RNF144A: variants seen among roughly 807,000 people sequenced by gnomAD.
RNF144A encodes E3 ubiquitin-protein ligase RNF144A.
RNF144A carries 11 observed loss-of-function variants against 38.7 expected under a neutral mutation model. The ratio of observed to expected loss-of-function variants is 0.28; its 90% CI spans 0.18 to 0.47. The LOEUF (loss-of-function observed/expected upper bound fraction) is 0.47, where lower values mean the gene tolerates loss of function less well. Ranked by LOEUF, RNF144A falls within the 20% of genes least tolerant of loss-of-function variation. The pLI is 0.99. For synonymous variants in RNF144A, 149 were observed against 143.9 expected (o/e 1.04, Z -0.25); for missense variants, 316 against 377.2 (o/e 0.84, Z 1.34).
intron 1 of RNF144A, among the ~76,000 whole-genome samples, chr2:6,922,671 C>A (rs1300774665): frequency 1.3e-5 from 2 of 149,552 alleles, no homozygotes; most frequent in African/African-American, 4.9e-5. Context: ...GTCGCCCAGG[C>A]TGGAGTGTAG....
At position 7,040,690 on chromosome 2, in the gene RNF144A, TAGAC is replaced by T; in HGVS notation, c.*933_*936del. ...CTGGCCTCTGGCCTCAGTCTTCAGATAGACAGTAAGAAGAAAGCAGCCTCATTGA... is the reference window on the plus strand; with the variant it reads ...CTGGCCTCTGGCCTCAGTCTTCAGATAGTAAGAAGAAAGCAGCCTCATTGA... On this transcript the variant is annotated 3_prime_UTR_variant, in exon 9 of 9. Transcript: ENST00000320892. 2 of 985,486 alleles carry T rather than the reference TAGAC, an allele frequency of 2.0e-6. No individual in the cohort carries two copies. Among genetic ancestry groups the T allele is most frequent in the Non-Finnish European group, 2.4e-6 (2 of 829,942 alleles). The allele number at this position is 985,486 out of a possible 1,614,324, so 61.0% of individuals were successfully genotyped here. A position where few individuals can be genotyped will look rare whatever the true frequency, so the allele number is the denominator to read the frequency against.
intron 6 of RNF144A, among the ~76,000 whole-genome samples, chr2:7,050,985 A>G (rs1673497939): frequency 6.6e-6 from 1 of 152,224 alleles, no homozygotes; most frequent in South Asian, 2.1e-4. Flanking sequence ...TGAAGTTTAG[A>G]TCCTCCCTTT....
In RNF144A at chr2:7,041,141, A is replaced by G. The variant is rs189734067; in HGVS notation, c.*1381A>G. 3.6e-4 allele frequency: 351 copies of G among 980,260 alleles called. 4 individuals carry two copies. The highest frequency in any genetic ancestry group is 2.1e-3 in the Middle Eastern group (4 of 1,902). The allele number at this position is 980,260 out of a possible 1,614,324, so 60.7% of individuals were successfully genotyped here. Reference sequence around the variant, plus strand: ...AAAATAACAGGCAAATATTGTAGCTATATTACAGTGGGATTTTAAAAATCT... The same window carrying G: ...AAAATAACAGGCAAATATTGTAGCTGTATTACAGTGGGATTTTAAAAATCT... On this transcript the variant is annotated 3_prime_UTR_variant, in exon 9 of 9. Transcript: ENST00000320892.
At chr2:7,046,029 T>C (rs1279501176), downstream of RNF144A, among the ~76,000 whole-genome samples, 2 of 152,252 alleles carry the variant, frequency 1.3e-5, no homozygotes, top group Non-Finnish European at 2.9e-5. Context: ...AAGAGTCTTA[T>C]CAACTCTTAG....
chr2:7,040,641 G>T lies in RNF144A; in HGVS notation c.*881G>T. ...CAATCCCACTGCTTTGCTCGGCAAT[G>T]GTTCTCCTCCGAATTGCTGCCGTCT... On this transcript the variant is annotated 3_prime_UTR_variant, in exon 9 of 9. Coordinates refer to ENST00000320892, the MANE Select transcript of RNF144A (RefSeq NM_014746.6). 1 of 985,470 alleles carries T rather than the reference G, an allele frequency of 1.0e-6. No homozygotes were observed. The highest frequency in any genetic ancestry group is 1.2e-6 in the Non-Finnish European group (1 of 829,960). The allele number at this position is 985,470 out of a possible 1,614,324, so 61.0% of individuals were successfully genotyped here.
intron 6 of RNF144A, among the ~76,000 whole-genome samples, chr2:7,061,409 ATTAT>A (rs1180257469): frequency 3.3e-5 from 5 of 152,190 alleles, no homozygotes; most frequent in Non-Finnish European, 1.5e-5. Context: ...GAAGACTTTT[ATTAT>A]TTAGAGAGCA....
intron 2 of RNF144A, among the ~76,000 whole-genome samples, chr2:6,995,648 G>T (rs1468266276): frequency 6.6e-6 from 1 of 152,214 alleles, no homozygotes; most frequent in East Asian, 1.9e-4. Flanking sequence ...GAACGACAGA[G>T]GCCAGAAGAT....
intron 6 of RNF144A, among the ~76,000 whole-genome samples, chr2:7,055,397 T>C (rs181082298): frequency 2.6e-5 from 4 of 152,332 alleles, no homozygotes; most frequent in Admixed American, 2.6e-4. Flanking sequence ...TTGAAACCAT[T>C]ATACCACCTT....
intron 2 of RNF144A, among the ~76,000 whole-genome samples, chr2:6,952,065 T>C (rs1334492520): frequency 6.6e-6 from 1 of 152,204 alleles, no homozygotes; most frequent in Non-Finnish European, 1.5e-5. Flanking sequence ...TTAAGGAAAT[T>C]ACCTTGTGTT....
At chr2:6,974,746 A>G (rs1403883491) in intron 2 of RNF144A, among the ~76,000 whole-genome samples, 1 of 152,226 alleles carries the variant, frequency 6.6e-6, no homozygotes, top group African/African-American at 2.4e-5. Flanking sequence ...TTGACAATAA[A>G]ATACATTTCA....
At chr2:6,975,148 C>T (rs1668231584) in intron 2 of RNF144A, among the ~76,000 whole-genome samples, 2 of 152,138 alleles carry the variant, frequency 1.3e-5, no homozygotes, top group South Asian at 4.1e-4. Context: ...TTTCCATGTG[C>T]CTGGGGAGGC....
At chr2:6,964,617 A>G (rs1667536867) in intron 2 of RNF144A, among the ~76,000 whole-genome samples, 1 of 152,256 alleles carries the variant, frequency 6.6e-6, no homozygotes, top group African/African-American at 2.4e-5. Context: ...TGGCACATAT[A>G]CACCATGGAA....
At chr2:7,022,736 A>G (rs894642618) in intron 6 of RNF144A, among the ~76,000 whole-genome samples, 1 of 152,170 alleles carries the variant, frequency 6.6e-6, no homozygotes, top group Non-Finnish European at 1.5e-5. Flanking sequence ...TTGCAAAATC[A>G]AAGTCATTCT....
intron 2 of RNF144A, among the ~76,000 whole-genome samples, chr2:6,961,764 T>G (rs1667359179): frequency 6.6e-6 from 1 of 152,236 alleles, no homozygotes; most frequent in Non-Finnish European, 1.5e-5. Context: ...AAGCCCAGCA[T>G]GAATACCCCT....
At chr2:6,921,298 G>C (rs1664523689) in intron 1 of RNF144A, among the ~76,000 whole-genome samples, 1 of 152,214 alleles carries the variant, frequency 6.6e-6, no homozygotes, top group Admixed American at 6.5e-5. Context: ...TTATAAGCTG[G>C]ATGCAGTGTT....
intron 2 of RNF144A, among the ~76,000 whole-genome samples, chr2:6,983,255 G>A (rs1051358139): frequency 1.3e-5 from 2 of 152,200 alleles, no homozygotes; most frequent in African/African-American, 4.8e-5. Flanking sequence ...AAAGGCTCCA[G>A]TTTTCTTTTC....
intron 3 of RNF144A, among the ~76,000 whole-genome samples, chr2:7,008,185 T>C (rs1670570095): frequency 6.6e-6 from 1 of 152,252 alleles, no homozygotes; most frequent in Non-Finnish European, 1.5e-5. Flanking sequence ...ACTGCCTCTT[T>C]GGCTGCCGCC....
At chr2:7,014,963 C>T (rs994035393) in intron 5 of RNF144A, among the ~76,000 whole-genome samples, 191 bp downstream of exon 5, 1 of 152,184 alleles carries the variant, frequency 6.6e-6, no homozygotes, top group Non-Finnish European at 1.5e-5. Context: ...AAGACCTTGT[C>T]TAGTGATCTA....
At chr2:7,030,604 TAGTAAC>T (rs1192664352) in intron 8 of RNF144A, among the ~76,000 whole-genome samples, 1 of 151,846 alleles carries the variant, frequency 6.6e-6, no homozygotes, top group Non-Finnish European at 1.5e-5. Context: ...ATAAGCAAGG[TAGTAAC>T]AGGAATGGAT....
Sources: allele counts gnomAD v4.1 joint callset (sites outside exome capture counted in the v4.1 genomes callset), GRCh38; gene constraint gnomAD v4.1.1; transcripts MANE v1.5; gene names NCBI Gene and HGNC (gene_info 2026-07-23, HGNC 2026-07-21).